The following SPATA6 variants were observed in gnomAD, a reference collection of about 807,000 sequenced individuals.
SPATA6 encodes spermatogenesis-associated protein 6.
A neutral mutation model predicts 65.3 loss-of-function variants in SPATA6; 56 were observed. The ratio of observed to expected loss-of-function variants is 0.86; its 90% CI spans 0.69 to 1.07. The LOEUF (loss-of-function observed/expected upper bound fraction) is 1.07, where lower values mean the gene tolerates loss of function less well. SPATA6 is among the 50% of genes least tolerant of loss of function. The pLI, the probability that SPATA6 is intolerant of heterozygous loss-of-function variation, is 0.00. For synonymous variants in SPATA6, 199 were observed against 213.2 expected (o/e 0.93, Z 0.58); for missense variants, 590 against 594.8 (o/e 0.99, Z 0.08).
intron 9 of SPATA6, among the ~76,000 whole-genome samples, chr1:48,381,467 G>A (rs895443734): frequency 1.3e-5 from 2 of 151,522 alleles, no homozygotes; most frequent in Non-Finnish European, 2.9e-5. Flanking sequence ...CCTAAACAGT[G>A]CCTTGATTGA....
At chr1:48,330,338 G>A (rs1645880043) in intron 11 of SPATA6, among the ~76,000 whole-genome samples, 1 of 152,156 alleles carries the variant, frequency 6.6e-6, no homozygotes, top group African/African-American at 2.4e-5. Flanking sequence ...GGTGACGCCT[G>A]CTAGAGCCTC....
Position 48,472,188 on chromosome 1 carries a change from C to A in SPATA6, c.-180G>T, listed in dbSNP as rs1056837178. ...GCCGGAGAAGCAGCTGAGCGCGGGG[C>A]GCAGACTCGTTGTCATGGCAGCCAG... is the stretch of plus-strand genomic sequence containing the variant. On this transcript the variant is annotated 5_prime_UTR_variant, in exon 1 of 13. Coordinates refer to ENST00000371847, the MANE Select transcript of SPATA6 (RefSeq NM_019073.4). 8 of 528,910 alleles carry A rather than the reference C, an allele frequency of 1.5e-5. No homozygotes were observed. Among genetic ancestry groups the A allele is most frequent in the African/African-American group, 1.2e-4 (6 of 49,102 alleles). The allele number at this position is 528,910 out of a possible 1,614,324, so 32.8% of individuals were successfully genotyped here.
chr1:48,425,815 AG>A (rs1344602469), intron 3 of SPATA6, among the ~76,000 whole-genome samples: 1 of 152,172 alleles, frequency 6.6e-6, no homozygotes, highest in East Asian at 1.9e-4. Flanking sequence ...AATTAAATCC[AG>A]GTGGACTATA....
intron 11 of SPATA6, chr1:48,355,332 GA>G (rs1646628020): frequency 5.9e-6 from 1 of 168,984 alleles, no homozygotes; most frequent in Non-Finnish European, 1.3e-5. Context: ...TGCAGTAGAT[GA>G]AATTGCTTTA....
chr1:48,316,207 AG>A (rs1570078379), intron 11 of SPATA6, among the ~76,000 whole-genome samples: 1 of 152,190 alleles, frequency 6.6e-6, no homozygotes, highest in Non-Finnish European at 1.5e-5. Flanking sequence ...GGAAACAAAA[AG>A]GAGCCCGCAT....
Position 48,451,541 on chromosome 1 carries a change from A to C in SPATA6, c.238+11T>G. 6.2e-7 allele frequency: 1 copy of C among 1,604,106 alleles called. No homozygotes were observed. The highest frequency in any genetic ancestry group is 1.1e-5 in the South Asian group (1 of 88,310). On this transcript the variant is annotated intron_variant, in intron 3 of 12. Transcript: ENST00000371847. ...TCTTAGAATCAGGAATTAAAAAGTT[A>C]AAAAACTTACATTCAAGCTGTGTAA...
At chr1:48,269,397 A>G in the SPATA6 span, among the ~76,000 whole-genome samples, 1 of 152,196 alleles carries the variant, frequency 6.6e-6, no homozygotes, top group Non-Finnish European at 1.5e-5. Flanking sequence ...AAAGTTGAAG[A>G]ATACAGAGGT....
chr1:48,306,461 T>C (rs972640744), intron 11 of SPATA6, among the ~76,000 whole-genome samples: 4 of 152,008 alleles, frequency 2.6e-5, no homozygotes, highest in African/African-American at 4.8e-5. Flanking sequence ...AATAGACACA[T>C]ACAAGGACAT....
At chr1:48,405,582 G>A (rs915001963) in intron 5 of SPATA6, among the ~76,000 whole-genome samples, 3 of 152,158 alleles carry the variant, frequency 2.0e-5, no homozygotes, top group African/African-American at 2.4e-5. Context: ...AGAACATTCA[G>A]CAACTCATAA....
intron 9 of SPATA6, among the ~76,000 whole-genome samples, chr1:48,375,518 T>A (rs1647787427): frequency 6.6e-6 from 1 of 152,188 alleles, no homozygotes; most frequent in Non-Finnish European, 1.5e-5. Flanking sequence ...TCCTCTGTTT[T>A]GTTTTGTATT....
At chr1:48,289,894 C>G in the SPATA6 span, among the ~76,000 whole-genome samples, 2 of 152,248 alleles carry the variant, frequency 1.3e-5, no homozygotes, top group East Asian at 3.9e-4. Flanking sequence ...CTGAAAGTGA[C>G]AGGGAGAATG....
At chr1:48,268,633 G>A in the SPATA6 span, among the ~76,000 whole-genome samples, 1 of 151,898 alleles carries the variant, frequency 6.6e-6, no homozygotes, top group African/African-American at 2.4e-5. Context: ...ATTTATTTTT[G>A]TTTTAAAAAT....
At chr1:48,377,211 A>T (rs1648019929) in intron 9 of SPATA6, among the ~76,000 whole-genome samples, 1 of 152,076 alleles carries the variant, frequency 6.6e-6, no homozygotes, top group African/African-American at 2.4e-5. Context: ...TCAAAGTATA[A>T]ATCTCGCCAT....
At chr1:48,445,288 T>C (rs769601938) in intron 3 of SPATA6, among the ~76,000 whole-genome samples, 3 of 152,212 alleles carry the variant, frequency 2.0e-5, no homozygotes, top group Non-Finnish European at 4.4e-5. Context: ...TGGAGACACA[T>C]TGTAGGAACA....
At chr1:48,273,518 G>A in the SPATA6 span, among the ~76,000 whole-genome samples, 1 of 151,926 alleles carries the variant, frequency 6.6e-6, no homozygotes, top group Non-Finnish European at 1.5e-5. Flanking sequence ...AGGCCCCGGT[G>A]GTGTGATGTT....
chr1:48,320,277 G>C (rs1359603431), intron 11 of SPATA6, among the ~76,000 whole-genome samples: 17 of 152,190 alleles, frequency 1.1e-4, no homozygotes, highest in Non-Finnish European at 8.8e-5. Flanking sequence ...AGCAAACCAA[G>C]AAGATTTAAC....
intron 3 of SPATA6, chr1:48,447,965 A>G (rs1362987460): frequency 2.0e-5 from 3 of 152,198 alleles, no homozygotes; most frequent in Non-Finnish European, 2.9e-5. Context: ...ATCGCAGCCA[A>G]TGAGATTTAT....
intron 9 of SPATA6, among the ~76,000 whole-genome samples, chr1:48,365,170 G>A (rs895184435): frequency 3.2e-4 from 49 of 152,180 alleles, no homozygotes; most frequent in Non-Finnish European, 2.4e-4. Context: ...CTCTGTTTTG[G>A]TAACAGTACC....
the SPATA6 span, among the ~76,000 whole-genome samples, chr1:48,262,000 T>A: frequency 1.1e-4 from 16 of 152,204 alleles, no homozygotes; most frequent in Non-Finnish European, 1.9e-4. Flanking sequence ...GAGAAGGGAA[T>A]AAAACTAACT....
Sources: allele counts gnomAD v4.1 joint callset (sites outside exome capture counted in the v4.1 genomes callset), GRCh38; gene constraint gnomAD v4.1.1; transcripts MANE v1.5; gene names NCBI Gene and HGNC (gene_info 2026-07-23, HGNC 2026-07-21).